Variants in PRKG1 observed in about 807,000 individuals in gnomAD.
PRKG1 encodes protein kinase cGMP-dependent 1.
In PRKG1, 35 loss-of-function variants were observed where a neutral mutation model predicts 88.1. The ratio of observed to expected loss-of-function variants is 0.40; its 90% confidence interval spans 0.30 to 0.53. PRKG1 has a LOEUF of 0.53. Ranked by LOEUF, PRKG1 falls within the 20% of genes least tolerant of loss-of-function variation. The probability of loss-of-function intolerance (pLI) is 0.59; values close to 1 mark genes in which losing one functional copy is unlikely to be tolerated. For missense variants in PRKG1, 540 were observed against 839.8 expected, an observed-to-expected ratio of 0.64 and a Z score of 4.41; for synonymous variants, 303 against 292.5, an observed-to-expected ratio of 1.04 and a Z score of -0.37.
At chr10:51,222,953 A>G (rs1206623793) in intron 2 of PRKG1, among the ~76,000 whole-genome samples, 1 of 152,170 alleles carries the variant, frequency 6.6e-6, no homozygotes, top group Non-Finnish European at 1.5e-5. Flanking sequence ...AATGATTACC[A>G]TAATCAAACT....
intron 2 of PRKG1, among the ~76,000 whole-genome samples, chr10:51,461,868 C>T (rs1346325172): frequency 1.3e-5 from 2 of 152,194 alleles, no homozygotes; most frequent in African/African-American, 2.4e-5. Flanking sequence ...ATGGCAGCCT[C>T]ATCAATTTCT....
chr10:51,511,516 A>G (rs1841405600), intron 3 of PRKG1, among the ~76,000 whole-genome samples: 1 of 152,262 alleles, frequency 6.6e-6, no homozygotes, highest in Non-Finnish European at 1.5e-5. Flanking sequence ...ATATGATACA[A>G]ATGAACAATA....
intron 5 of PRKG1, among the ~76,000 whole-genome samples, chr10:51,919,334 G>A (rs1422481293): frequency 6.6e-6 from 1 of 152,138 alleles, no homozygotes; most frequent in East Asian, 1.9e-4. Flanking sequence ...GATGGCAGTT[G>A]TTGTGAGAAA....
chr10:52,273,200 T>C (rs1323543341), intron 12 of PRKG1, among the ~76,000 whole-genome samples: 1 of 152,088 alleles, frequency 6.6e-6, no homozygotes, highest in Non-Finnish European at 1.5e-5. Context: ...TCTAATATAA[T>C]TTATCCTATA....
chr10:51,553,160 G>A (rs1206165186), intron 3 of PRKG1, among the ~76,000 whole-genome samples: 1 of 151,518 alleles, frequency 6.6e-6, no homozygotes, highest in Non-Finnish European at 1.5e-5. Context: ...AAATCTTCTT[G>A]CTGAGCCCTA....
At chr10:51,034,664 TTATTTATATATATATATA>T (rs1843328289) in intron 1 of PRKG1, among the ~76,000 whole-genome samples, 1 of 9,946 alleles carries the variant, frequency 1.0e-4, no homozygotes, top group South Asian at 2.9e-3. Context: ...ATATAATATG[TTATTTATATATATATATA>T]TATATATATA....
At chr10:51,787,541 G>T (rs1410767564) in intron 3 of PRKG1, among the ~76,000 whole-genome samples, 1 of 152,128 alleles carries the variant, frequency 6.6e-6, no homozygotes, top group African/African-American at 2.4e-5. Flanking sequence ...ACACATCCAT[G>T]GAAGCCTCAG....
At chr10:51,766,482 C>G (rs986312849) in intron 3 of PRKG1, among the ~76,000 whole-genome samples, 3 of 152,140 alleles carry the variant, frequency 2.0e-5, no homozygotes, top group Non-Finnish European at 4.4e-5. Flanking sequence ...GACCTGCCCC[C>G]CAACCATGCC....
intron 2 of PRKG1, among the ~76,000 whole-genome samples, chr10:51,323,802 A>G (rs1275343278): frequency 6.6e-6 from 1 of 152,162 alleles, no homozygotes; most frequent in Non-Finnish European, 1.5e-5. Flanking sequence ...AAATTGTTTT[A>G]GTTAGCTGGG....
chr10:51,061,060 G>GGT (rs71029344), intron 1 of PRKG1, among the ~76,000 whole-genome samples: 27 of 147,160 alleles, frequency 1.8e-4, no homozygotes, highest in South Asian at 8.7e-4. Flanking sequence ...TATACCTAGG[G>GGT]GTGTGTGTGT....
chr10:51,943,218 G>A (rs1211610555), intron 5 of PRKG1, among the ~76,000 whole-genome samples: 8 of 151,904 alleles, frequency 5.3e-5, no homozygotes, highest in African/African-American at 1.9e-4. Context: ...TGAAGCAATT[G>A]TGAATGGGAG....
Position 52,108,347 on chromosome 10 carries a change from T to C in PRKG1, c.936-25493T>C, listed in dbSNP as rs559675496. On this transcript the variant is annotated intron_variant, in intron 7 of 17. Coordinates refer to ENST00000373980, the MANE Select transcript of PRKG1 (RefSeq NM_006258.4). Reference sequence around the variant, plus strand: ...TATGATAGTTAGTGACATAACCTTTTGAGAAATTCATGTCTACATGTTTTT... The same window carrying C: ...TATGATAGTTAGTGACATAACCTTTCGAGAAATTCATGTCTACATGTTTTT... 1.1e-4 allele frequency among the ~76,000 whole-genome samples: 16 copies of C among 152,352 alleles called. No homozygotes were observed. The South Asian group carries it at 2.7e-3, about 26-fold the overall frequency.
At chr10:52,189,720 T>G (rs1839316793) in intron 9 of PRKG1, among the ~76,000 whole-genome samples, 1 of 152,332 alleles carries the variant, frequency 6.6e-6, no homozygotes, top group South Asian at 2.1e-4. Context: ...CCCCTCATGC[T>G]CTGGTGGATT....
At chr10:51,065,440 T>C (rs1238964584) in intron 1 of PRKG1, among the ~76,000 whole-genome samples, 1 of 152,110 alleles carries the variant, frequency 6.6e-6, no homozygotes, top group Non-Finnish European at 1.5e-5. Flanking sequence ...GAAAACATAG[T>C]TACCATGGGC....
intron 2 of PRKG1, among the ~76,000 whole-genome samples, chr10:51,308,778 G>A (rs1703860300): frequency 6.6e-6 from 1 of 152,168 alleles, no homozygotes; most frequent in Admixed American, 6.5e-5. Context: ...GTAAATTAAA[G>A]GGAAAAAGTG....
rs1204352354 is a variant in PRKG1, at chr10:51,916,496, C to G, written c.762+8926C>G. Among the ~76,000 whole-genome samples the G allele has an allele frequency of 2.0e-5, 3 of 152,210 alleles. No individual in the cohort carries two copies. In the East Asian group the frequency reaches 5.8e-4, roughly 29 times the overall value. On this transcript the variant is annotated intron_variant, in intron 5 of 17. Coordinates refer to ENST00000373980, the MANE Select transcript of PRKG1 (RefSeq NM_006258.4). The stretch of plus-strand genomic sequence containing the variant: ...GCAACCAGCAGCCCTGGGGGCTGCT[C>G]TGTCTATGGAGTAGCCATTCTTTAG...
intron 5 of PRKG1, among the ~76,000 whole-genome samples, chr10:51,978,582 C>G (rs527783906): frequency 4.6e-5 from 7 of 152,006 alleles, no homozygotes; most frequent in Admixed American, 2.0e-4. Context: ...ATTGATTCTT[C>G]CTATCCATAA....
chr10:51,320,584 A>G (rs1335165566), intron 2 of PRKG1: 3 of 152,356 alleles, frequency 2.0e-5, no homozygotes, highest in South Asian at 4.1e-4. Flanking sequence ...ATGCAGGCAA[A>G]TCCAGAACCA....
rs1056647556 is a variant in PRKG1 at position 51,610,874 on chromosome 10, C to T, written c.592+143038C>T. The stretch of plus-strand genomic sequence containing the variant: ...CATGAACACGGGGAGGGGAACAACA[C>T]ACACTGGGGCCTATCAGGGCTTGGG... On this transcript the variant is annotated intron_variant, in intron 3 of 17. Transcript: ENST00000373980. Among the ~76,000 whole-genome samples, 36 of 151,942 alleles carry T rather than the reference C, an allele frequency of 2.4e-4. 1 individual carries two copies. Among genetic ancestry groups the T allele is most frequent in the African/African-American group, 8.0e-4 (33 of 41,344 alleles).
Sources: allele counts gnomAD v4.1 joint callset (sites outside exome capture counted in the v4.1 genomes callset), GRCh38; gene constraint gnomAD v4.1.1; transcripts MANE v1.5; gene names NCBI Gene and HGNC (gene_info 2026-07-23, HGNC 2026-07-21).